The following PCDHGA6 variants were observed in gnomAD, a reference collection of about 807,000 sequenced individuals.
The protein encoded by PCDHGA6 is protocadherin gamma-A6.
PCDHGA6 carries 41 observed loss-of-function variants against 60.6 expected under a neutral mutation model. The observed-to-expected ratio is 0.68, with a 90% confidence interval of 0.53 to 0.88. The LOEUF is 0.88. Among genes scored for constraint, PCDHGA6 ranks in the 40% least tolerant of loss-of-function variants. PCDHGA6 has a pLI of 0.00. For missense variants in PCDHGA6, 1,312 were observed against 1,203.0 expected (o/e 1.09, Z -1.34); for synonymous variants, 594 against 524.4 (o/e 1.13, Z -1.81).
At chr5:141,419,717 G>A (rs1159633605) in intron 1 of PCDHGA6, 3 of 1,613,236 alleles carry the variant, frequency 1.9e-6, no homozygotes, top group Non-Finnish European at 2.5e-6. Flanking sequence ...CTTCAGCCTG[G>A]GGCTGCGAAC....
chr5:141,446,266 A>C (rs1268290014), intron 1 of PCDHGA6, among the ~76,000 whole-genome samples: 1 of 152,174 alleles, frequency 6.6e-6, no homozygotes, highest in African/African-American at 2.4e-5. Context: ...TTATTAACTG[A>C]ATAAATACAA....
chr5:141,467,908 C>G (rs2099154038), intron 1 of PCDHGA6, among the ~76,000 whole-genome samples: 1 of 152,172 alleles, frequency 6.6e-6, no homozygotes, highest in Non-Finnish European at 1.5e-5. Flanking sequence ...ATCCGCCCAC[C>G]TCAGCCTCCC....
chr5:141,510,420 G>T (rs1275392355), intron 3 of PCDHGA6, among the ~76,000 whole-genome samples: 3 of 152,126 alleles, frequency 2.0e-5, no homozygotes, highest in African/African-American at 7.2e-5. Flanking sequence ...TAAAGCCATG[G>T]TTTCATGGCT....
In PCDHGA6 at chr5:141,414,978, C is replaced by T. The variant is rs757917979; in HGVS notation, c.2424+38471C>T. On this transcript the variant is annotated intron_variant, in intron 1 of 3. Coordinates refer to ENST00000517434, the MANE Select transcript of PCDHGA6 (RefSeq NM_018919.3). The stretch of plus-strand genomic sequence containing the variant: ...CCAAGGTGGTGGCGGTGGACAGAGA[C>T]TCCGGCCAGAACGCCTGGCTGTCCT... 8 of 1,613,878 alleles carry T rather than the reference C, an allele frequency of 5.0e-6. No individual in the cohort carries two copies. The South Asian group carries it at 8.8e-5, about 18-fold the overall frequency.
chr5:141,499,150 T>C (rs1424635509), intron 2 of PCDHGA6, among the ~76,000 whole-genome samples: 5 of 152,180 alleles, frequency 3.3e-5, no homozygotes, highest in Non-Finnish European at 1.5e-5. Context: ...CTGATCCCAA[T>C]AGCTGTTGTC....
rs117345436 is a variant in PCDHGA6 at position 141,492,015 on chromosome 5, G to T, written c.2425-2792G>T. 1,356 of 600,608 alleles carry T rather than the reference G, an allele frequency of 2.3e-3. 40 individuals carry two copies. The East Asian group carries it at 0.038, about 17-fold the overall frequency. The allele number at this position is 600,608 out of a possible 1,614,324, so 37.2% of individuals were successfully genotyped here. A position where few individuals can be genotyped will look rare whatever the true frequency, so the allele number is the denominator to read the frequency against. ...ATTTCGGGCGATTTCCGCGGGTGTC[G>T]GGGGTCCCGGGAGGAGGCAGTCACA... On this transcript the variant is annotated intron_variant, in intron 1 of 3. Transcript: ENST00000517434.
At chr5:141,481,999 C>T (rs958678555) in intron 1 of PCDHGA6, among the ~76,000 whole-genome samples, 7 of 149,942 alleles carry the variant, frequency 4.7e-5, no homozygotes, top group Admixed American at 2.0e-4. Flanking sequence ...GCAGGAGAAT[C>T]GCTTTATCTC....
rs201408987 is a variant in PCDHGA6, at chr5:141,476,857, C to T, written c.2425-17950C>T. 12 of 1,613,768 alleles carry T rather than the reference C, an allele frequency of 7.4e-6. No individual in the cohort carries two copies. The highest frequency in any genetic ancestry group is 1.0e-5 in the Non-Finnish European group (12 of 1,180,054). ...ACAATGCGCCTGTCTTCAACCAGTC[C>T]TTGTACCGGGCGCGCGTCCTGGAGG... On this transcript the variant is annotated intron_variant, in intron 1 of 3. Transcript: ENST00000517434. The surrounding 1 kb of genome is among the most constrained non-coding windows in gnomAD (Gnocchi z 7.6).
intron 2 of PCDHGA6, among the ~76,000 whole-genome samples, chr5:141,496,486 C>T (rs186488143): frequency 1.3e-5 from 2 of 152,322 alleles, no homozygotes; most frequent in East Asian, 3.9e-4. Flanking sequence ...CTGCAACCAA[C>T]CAAACCCTTG....
chr5:141,418,389 A>G (rs768078575), intron 1 of PCDHGA6: 1 of 1,613,996 alleles, frequency 6.2e-7, no homozygotes, highest in South Asian at 1.1e-5. Context: ...CCTAACGAGT[A>G]TTTCTCATTG....
At chr5:141,436,473 C>CA (rs2097825744) in intron 1 of PCDHGA6, among the ~76,000 whole-genome samples, 1 of 152,112 alleles carries the variant, frequency 6.6e-6, no homozygotes, top group Non-Finnish European at 1.5e-5. Context: ...TCAGATGTAT[C>CA]ATAGAAGGAT....
In PCDHGA6 at chr5:141,474,057, G is replaced by A. The variant is rs546654716; in HGVS notation, c.2425-20750G>A. Among the ~76,000 whole-genome samples, 3 of 152,192 alleles carry A rather than the reference G, an allele frequency of 2.0e-5. No homozygotes were observed. In the East Asian group the frequency reaches 5.8e-4, roughly 29 times the overall value. On this transcript the variant is annotated intron_variant, in intron 1 of 3. Transcript: ENST00000517434. ...TGTACTCCAGCCTGGATGACAGAGC[G>A]AGATCCTGCCTCAGAAACAAAAACC... is the stretch of plus-strand genomic sequence containing the variant.
intron 1 of PCDHGA6, chr5:141,404,969 G>T (rs2094589920): frequency 6.2e-7 from 1 of 1,613,964 alleles, no homozygotes; most frequent in East Asian, 2.2e-5. Context: ...AGACATCCTG[G>T]CTGACCTGGG....
At chr5:141,383,365 G>A (rs763555331) in intron 1 of PCDHGA6, 9 of 1,614,014 alleles carry the variant, frequency 5.6e-6, no homozygotes, top group Admixed American at 3.3e-5. Flanking sequence ...TCCGTTAAGC[G>A]AGGCTGGGGA....
intron 2 of PCDHGA6, among the ~76,000 whole-genome samples, chr5:141,504,211 A>G (rs2099836609): frequency 6.6e-6 from 1 of 152,218 alleles, no homozygotes. Flanking sequence ...GGAAAATTCC[A>G]AGTAGAGCTG....
At chr5:141,475,866 C>T in intron 1 of PCDHGA6, 1 of 504,862 alleles carries the variant, frequency 2.0e-6, no homozygotes, top group South Asian at 2.9e-5. Context: ...GCTCATTCTT[C>T]GTGCAGTTAT....
chr5:141,383,570 G>A, intron 1 of PCDHGA6: 1 of 1,613,234 alleles, frequency 6.2e-7, no homozygotes, highest in Non-Finnish European at 8.5e-7. Flanking sequence ...CCCCGATCCA[G>A]CACCGCCCAC....
intron 1 of PCDHGA6, among the ~76,000 whole-genome samples, chr5:141,471,071 C>T (rs1208702673): frequency 7.7e-6 from 1 of 129,696 alleles, no homozygotes; most frequent in Non-Finnish European, 1.6e-5. Context: ...TTTTTTGAGA[C>T]AGGGTCTCCC....
At chr5:141,467,704 C>T (rs2099149502) in intron 1 of PCDHGA6, among the ~76,000 whole-genome samples, 2 of 152,174 alleles carry the variant, frequency 1.3e-5, no homozygotes. Flanking sequence ...CTCTGTTGCC[C>T]AGGCTGGAGT....
Sources: allele counts gnomAD v4.1 joint callset (sites outside exome capture counted in the v4.1 genomes callset), GRCh38; gene constraint gnomAD v4.1.1; non-coding constraint Gnocchi (gnomAD v3.1); transcripts MANE v1.5; gene names NCBI Gene and HGNC (gene_info 2026-07-23, HGNC 2026-07-21).